The following B4GALT5 variants were observed in gnomAD, a reference collection of about 807,000 sequenced individuals.
B4GALT5 encodes the protein UDP-Gal:beta-GlcNAc beta-1,4-galactosyltransferase 5.
B4GALT5 carries 11 observed loss-of-function variants against 45.0 expected under a neutral mutation model. That is an observed-to-expected ratio of 0.24 (90% CI 0.15 to 0.40). The LOEUF is 0.40. Among genes scored for constraint, B4GALT5 ranks in the 10% least tolerant of loss-of-function variants. B4GALT5 has a pLI of 1.00. For synonymous variants in B4GALT5, 185 were observed against 182.9 expected (o/e 1.01, Z -0.09); for missense variants, 337 against 500.2 (o/e 0.67, Z 3.11).
chr20:49,663,691 ATATATACATATAT>A lies in B4GALT5; in HGVS notation c.116-7002_116-6990del, dbSNP rs149987132. On this transcript the variant is annotated intron_variant, in intron 1 of 8. Coordinates refer to ENST00000371711, the MANE Select transcript of B4GALT5 (RefSeq NM_004776.4). ...TCATCTCAAGAAAAAAAAAAAAAAA[ATATATACATATAT>A]ATATATATATATATATATATATATG... 4.4e-4 allele frequency among the ~76,000 whole-genome samples: 38 copies of A among 85,804 alleles called. 5 individuals are homozygous for A. Among genetic ancestry groups the A allele is most frequent in the East Asian group, 2.0e-3 (7 of 3,442 alleles). 56.3% of individuals were successfully genotyped at this position (85,804 alleles called of 152,430 possible).
At chr20:49,666,527 G>C (rs1037954119) in intron 1 of B4GALT5, among the ~76,000 whole-genome samples, 1 of 152,158 alleles carries the variant, frequency 6.6e-6, no homozygotes, top group Admixed American at 6.5e-5. Flanking sequence ...TACCTCTTTA[G>C]CATGTCCATG....
intron 1 of B4GALT5, among the ~76,000 whole-genome samples, chr20:49,663,233 T>C (rs150846433): frequency 1.1e-4 from 16 of 152,342 alleles, no homozygotes; most frequent in African/African-American, 3.4e-4. Flanking sequence ...CTTCTGGTCA[T>C]CTTATTTCTT....
chr20:49,706,103 G>A (rs2085882733), intron 1 of B4GALT5, among the ~76,000 whole-genome samples: 1 of 150,814 alleles, frequency 6.6e-6, no homozygotes, highest in African/African-American at 2.4e-5. Flanking sequence ...GAAGCAGATT[G>A]AGAATCACTT....
At chr20:49,653,488 G>C (rs1037535379) in intron 2 of B4GALT5, among the ~76,000 whole-genome samples, 2 of 152,212 alleles carry the variant, frequency 1.3e-5, no homozygotes, top group African/African-American at 4.8e-5. Flanking sequence ...AAGGTACTAA[G>C]GATACAAAGA....
chr20:49,700,451 A>G (rs2085857064), intron 1 of B4GALT5, among the ~76,000 whole-genome samples: 1 of 152,074 alleles, frequency 6.6e-6, no homozygotes. Context: ...ATGTGCCACC[A>G]CACCTGGCTA....
chr20:49,639,758 T>C lies in B4GALT5; in HGVS notation c.837A>G (p.Thr279=), dbSNP rs750389923. The C allele has an allele frequency of 6.2e-7, 1 of 1,613,678 alleles. No individual in the cohort carries two copies. The highest frequency in any genetic ancestry group is 8.5e-7 in the Non-Finnish European group (1 of 1,179,660). ...TEFFGGVSGL[T]VEQFRKINGF... ...CATTGATTTTCCGAAATTGTTCCAC[T>C]GTTAAGCCACTCACTCCGCCAAAGA... Residue 279 remains threonine, a synonymous_variant, in exon 7 of 9, where the codon ACA becomes ACG. Coordinates refer to ENST00000371711, the MANE Select transcript of B4GALT5 (RefSeq NM_004776.4).
intron 6 of B4GALT5, 119 bp downstream of exon 6, chr20:49,640,359 T>G: frequency 1.2e-6 from 1 of 851,792 alleles, no homozygotes; most frequent in Non-Finnish European, 1.7e-6. Context: ...ATACACACAT[T>G]TTGTTTATCC....
intron 1 of B4GALT5, among the ~76,000 whole-genome samples, chr20:49,697,245 T>C (rs1342869769): frequency 6.6e-6 from 1 of 152,264 alleles, no homozygotes; most frequent in Non-Finnish European, 1.5e-5. Flanking sequence ...GCAGTTGTTG[T>C]CTGCTCCCAG....
intron 2 of B4GALT5, among the ~76,000 whole-genome samples, chr20:49,650,028 C>T (rs187369063): frequency 3.3e-5 from 5 of 152,186 alleles, no homozygotes; most frequent in Admixed American, 3.3e-4. Context: ...AGAACCTAAT[C>T]AGGAAACTAG....
intron 6 of B4GALT5, 71 bp from the exon 7 acceptor site, chr20:49,639,871 T>C (rs2085568698): frequency 5.1e-6 from 8 of 1,573,594 alleles, no homozygotes; most frequent in Non-Finnish European, 6.9e-6. Context: ...AGGTTCTCAT[T>C]TGAGGACTAA....
At chr20:49,708,606 C>A (rs1339217102) in intron 1 of B4GALT5, among the ~76,000 whole-genome samples, 2 of 152,094 alleles carry the variant, frequency 1.3e-5, no homozygotes, top group Non-Finnish European at 2.9e-5. Context: ...CTTCAGTAAT[C>A]AAGGAAAGAG....
At chr20:49,656,109 G>A (rs989718616) in intron 2 of B4GALT5, among the ~76,000 whole-genome samples, 7 of 152,044 alleles carry the variant, frequency 4.6e-5, no homozygotes, top group South Asian at 2.1e-4. Flanking sequence ...CTGCTGTTGC[G>A]GTAGGTTCTC....
chr20:49,696,747 T>C (rs1411613312), intron 1 of B4GALT5, among the ~76,000 whole-genome samples: 1 of 152,212 alleles, frequency 6.6e-6, no homozygotes, highest in East Asian at 1.9e-4. Flanking sequence ...TGCAATTTCC[T>C]TTTATCAACC....
intron 1 of B4GALT5, among the ~76,000 whole-genome samples, chr20:49,698,272 G>T (rs1418582459): frequency 2.0e-5 from 3 of 152,028 alleles, no homozygotes; most frequent in African/African-American, 7.3e-5. Context: ...GCAGTGAGCC[G>T]AGACGGTGGC....
chr20:49,709,029 A>G (rs1444342348), intron 1 of B4GALT5, among the ~76,000 whole-genome samples: 4 of 152,168 alleles, frequency 2.6e-5, no homozygotes, highest in African/African-American at 9.7e-5. Flanking sequence ...CAATTTGCTA[A>G]GGTCAGTAAC....
chr20:49,701,909 A>T (rs1453800312), intron 1 of B4GALT5, among the ~76,000 whole-genome samples: 1 of 152,012 alleles, frequency 6.6e-6, no homozygotes, highest in African/African-American at 2.4e-5. Context: ...TACCAAAAAT[A>T]AAAAAATTAG....
rs2085552523 is a variant in B4GALT5 at position 49,636,125 on chromosome 20, T to A, written c.*187A>T. Reference sequence around the variant, plus strand: ...AAGTCCCCAAGCTCACTCCCTCAGTTCCAGCGGCTGATCCAGTGAAGGCGT... The same window carrying A: ...AAGTCCCCAAGCTCACTCCCTCAGTACCAGCGGCTGATCCAGTGAAGGCGT... On this transcript the variant is annotated 3_prime_UTR_variant, in exon 9 of 9. Coordinates refer to ENST00000371711, the MANE Select transcript of B4GALT5 (RefSeq NM_004776.4). 2.8e-6 allele frequency: 2 copies of A among 708,672 alleles called. No homozygotes were observed. Among genetic ancestry groups the A allele is most frequent in the Admixed American group, 3.0e-5 (1 of 33,864 alleles). The allele number at this position is 708,672 out of a possible 1,614,324, so 43.9% of individuals were successfully genotyped here. A position where few individuals can be genotyped will look rare whatever the true frequency, so the allele number is the denominator to read the frequency against.
chr20:49,694,475 G>A (rs1035751680), intron 1 of B4GALT5, among the ~76,000 whole-genome samples: 1 of 151,920 alleles, frequency 6.6e-6, no homozygotes, highest in African/African-American at 2.4e-5. Context: ...AACACAGGGA[G>A]ACCTAGTCCC....
chr20:49,707,699 C>T (rs1233805840), intron 1 of B4GALT5, among the ~76,000 whole-genome samples: 3 of 152,086 alleles, frequency 2.0e-5, no homozygotes, highest in Non-Finnish European at 2.9e-5. Flanking sequence ...ATTGCAGCCT[C>T]GACCTCCCAG....
Sources: allele counts gnomAD v4.1 joint callset (sites outside exome capture counted in the v4.1 genomes callset), GRCh38; gene constraint gnomAD v4.1.1; transcripts MANE v1.5; gene names NCBI Gene and HGNC (gene_info 2026-07-23, HGNC 2026-07-21).